The following DIAPH2 variants were observed in gnomAD, a reference collection of about 807,000 sequenced individuals.
DIAPH2 encodes protein diaphanous homolog 2.
Under a neutral mutation model 92.7 loss-of-function variants are expected in DIAPH2, and 35 were observed. That is an observed-to-expected ratio of 0.38 (90% CI 0.29 to 0.50). The LOEUF (loss-of-function observed/expected upper bound fraction) is 0.50, where lower values mean the gene tolerates loss of function less well. Among genes scored for constraint, DIAPH2 ranks in the 20% least tolerant of loss-of-function variants. The pLI, the probability that DIAPH2 is intolerant of heterozygous loss-of-function variation, is 0.94. For synonymous variants in DIAPH2, 301 were observed against 280.4 expected, an observed-to-expected ratio of 1.07 and a Z score of -0.73; for missense variants, 701 against 819.5, an observed-to-expected ratio of 0.86 and a Z score of 1.77.
At chrX:97,424,780 C>A (rs1056401447) in intron 25 of DIAPH2, among the ~76,000 whole-genome samples, 1 of 109,974 alleles carries the variant, frequency 9.1e-6, no homozygotes, top group African/African-American at 3.3e-5. Context: ...CCACACCCAG[C>A]TATTTTTTTT....
Position 96,930,839 on chromosome X carries a change from T to C in DIAPH2, c.1085T>C (p.Leu362Ser). The C allele has an allele frequency of 8.5e-7, 1 of 1,177,406 alleles. No homozygotes were observed. The highest frequency in any genetic ancestry group is 1.1e-6 in the Non-Finnish European group (1 of 882,126). Residue 362 changes from leucine to serine, a missense_variant, in exon 10 of 27, where the codon TTA (leucine) becomes TCA (serine). Coordinates refer to ENST00000324765, the MANE Select transcript of DIAPH2 (RefSeq NM_006729.5). ...EFLRSGLKTM[L>S]PDLKEKENDE... ...CTCCGTTCAGGACTAAAAACAATGT[T>C]ACCAGTAAGTTGAATGTATACATTT...
Position 97,141,760 on chromosome X carries a change from T to G in DIAPH2, c.2685T>G (p.Pro895=). The G allele has an allele frequency of 8.3e-7, 1 of 1,205,828 alleles. No homozygotes were observed. The highest frequency in any genetic ancestry group is 1.7e-5 in the African/African-American group (1 of 57,644). ...AATATCGAGATATCCTAAAATTTCC[T>G]GAAGAACTGGAACACGTAGAAAGTG... ...EEKYRDILKF[P]EELEHVESAS... is the part of the protein sequence containing the mutation. The change falls in exon 22 of 27, where the codon CCT becomes CCG. Residue 895 remains proline, a synonymous_variant. Transcript: ENST00000324765.
At chrX:97,082,340 C>A (rs1194605451) in intron 19 of DIAPH2, among the ~76,000 whole-genome samples, 2 of 108,355 alleles carry the variant, frequency 1.8e-5, no homozygotes, top group Non-Finnish European at 3.8e-5. Flanking sequence ...AAACTAGGGG[C>A]CAGGTGCAGT....
chrX:96,750,771 T>C (rs2064181818), intron 3 of DIAPH2, among the ~76,000 whole-genome samples: 1 of 112,778 alleles, frequency 8.9e-6, no homozygotes, highest in South Asian at 3.6e-4. Context: ...CCTACACTAA[T>C]TGCTTAAATA....
chrX:96,687,563 C>T (rs946460174), intron 1 of DIAPH2, among the ~76,000 whole-genome samples: 7 of 110,375 alleles, frequency 6.3e-5, no homozygotes, highest in Non-Finnish European at 9.5e-5. Context: ...CCTCAGCCTC[C>T]TGAGTAGCTG....
At chrX:97,084,529 C>G (rs1354122311) in intron 19 of DIAPH2, among the ~76,000 whole-genome samples, 1 of 111,320 alleles carries the variant, frequency 9.0e-6, no homozygotes, top group East Asian at 2.8e-4. Flanking sequence ...TCTGTACTGT[C>G]TGAATCCCAG....
chrX:97,153,129 A>G (rs772453382), intron 22 of DIAPH2, among the ~76,000 whole-genome samples: 14 of 111,897 alleles, frequency 1.3e-4, no homozygotes, highest in Non-Finnish European at 1.9e-4. Flanking sequence ...TATCTAGGCT[A>G]CTTATCCCTC....
chrX:97,100,916 T>G (rs2066901747), intron 20 of DIAPH2, among the ~76,000 whole-genome samples: 1 of 111,816 alleles, frequency 8.9e-6, no homozygotes, highest in South Asian at 3.7e-4. Context: ...TGACTGCACT[T>G]ATATAGAAGG....
intron 22 of DIAPH2, among the ~76,000 whole-genome samples, chrX:97,157,334 TATA>T (rs61008919): frequency 3.9e-5 from 4 of 103,702 alleles, no homozygotes; most frequent in African/African-American, 1.1e-4. Context: ...ATAATAATAA[TATA>T]ATAATAATAA....
At chrX:96,870,024 C>CT (rs1336663716) in intron 4 of DIAPH2, among the ~76,000 whole-genome samples, 1 of 110,748 alleles carries the variant, frequency 9.0e-6, no homozygotes, top group Non-Finnish European at 1.9e-5. Flanking sequence ...AATTATGCCC[C>CT]TTTTTAAGAT....
chrX:96,941,930 T>A, intron 12 of DIAPH2, 88 bp from the exon 13 acceptor site: 1 of 527,950 alleles, frequency 1.9e-6, no homozygotes, highest in Non-Finnish European at 3.2e-6. Context: ...AAAAAAGACC[T>A]AGTTCTTCTA....
intron 1 of DIAPH2, among the ~76,000 whole-genome samples, chrX:96,728,155 G>A (rs1424604013): frequency 9.0e-6 from 1 of 110,865 alleles, no homozygotes; most frequent in African/African-American, 3.3e-5. Flanking sequence ...TGGGAGAAGC[G>A]ACATACCTGA....
chrX:97,587,532 T>A (rs1439021731), intron 26 of DIAPH2, among the ~76,000 whole-genome samples: 1 of 112,248 alleles, frequency 8.9e-6, no homozygotes, highest in East Asian at 2.8e-4. Flanking sequence ...TCGCCTATGA[T>A]GACTTGTGAA....
chrX:97,340,082 G>A (rs1465887609), intron 23 of DIAPH2, among the ~76,000 whole-genome samples: 2 of 111,596 alleles, frequency 1.8e-5, no homozygotes, highest in East Asian at 5.6e-4. Flanking sequence ...CCTCCCCAGA[G>A]TGTCCTGTTC....
intron 26 of DIAPH2, among the ~76,000 whole-genome samples, chrX:97,539,527 C>G (rs1050760254): frequency 8.9e-6 from 1 of 112,066 alleles, no homozygotes; most frequent in Non-Finnish European, 1.9e-5. Flanking sequence ...TTTCTAAAAG[C>G]AGAATAATTT....
chrX:97,201,915 G>A (rs1183993858), intron 22 of DIAPH2, among the ~76,000 whole-genome samples: 2 of 111,323 alleles, frequency 1.8e-5, no homozygotes, highest in Non-Finnish European at 3.8e-5. Flanking sequence ...GGCAGCCAGA[G>A]AGAAAGGTTA....
At chrX:96,958,589 ATCTTC>A (rs1340688628) in intron 16 of DIAPH2, among the ~76,000 whole-genome samples, 1 of 111,627 alleles carries the variant, frequency 9.0e-6, no homozygotes, top group Non-Finnish European at 1.9e-5. Flanking sequence ...GAACATTCAG[ATCTTC>A]TCTTCTAGTT....
chrX:96,861,414 T>C (rs756319866), intron 4 of DIAPH2, among the ~76,000 whole-genome samples: 1 of 111,754 alleles, frequency 8.9e-6, no homozygotes, highest in Non-Finnish European at 1.9e-5. Context: ...TTCCTCATTC[T>C]CTACTTCCAA....
intron 23 of DIAPH2, among the ~76,000 whole-genome samples, chrX:97,302,597 C>T (rs2068716471): frequency 9.0e-6 from 1 of 111,676 alleles, no homozygotes; most frequent in Non-Finnish European, 1.9e-5. Context: ...TCTGAGGAGG[C>T]AGTGTAACTG....
Sources: gnomAD v4.1 joint callset for allele counts (sites outside exome capture counted in the v4.1 genomes callset) on GRCh38, gnomAD v4.1.1 for gene constraint, MANE v1.5 for transcripts, NCBI Gene and HGNC (gene_info 2026-07-23, HGNC 2026-07-21) for gene names.